Variants in SEM1 observed in about 807,000 individuals in gnomAD.
SEM1 encodes 26S proteasome complex subunit SEM1.
A neutral mutation model predicts 12.7 loss-of-function variants in SEM1; 3 were observed. That is an observed-to-expected ratio of 0.24 (90% CI 0.11 to 0.61). The LOEUF (loss-of-function observed/expected upper bound fraction) is 0.61. Ranked by LOEUF, SEM1 falls within the 20% of genes least tolerant of loss-of-function variation. The probability of loss-of-function intolerance (pLI) is 0.88; values close to 1 mark genes in which losing one functional copy is unlikely to be tolerated. For synonymous variants in SEM1, 30 were observed against 27.8 expected, an observed-to-expected ratio of 1.08 and a Z score of -0.25; for missense variants, 59 against 81.3, an observed-to-expected ratio of 0.73 and a Z score of 1.06.
At chr7:96,650,673 C>T (rs1186035084) in intron 2 of SEM1, among the ~76,000 whole-genome samples, 1 of 144,676 alleles carries the variant, frequency 6.9e-6, no homozygotes, top group Admixed American at 6.6e-5. Flanking sequence ...CAGAAACACA[C>T]ACAGATGCGC....
intron 2 of SEM1, among the ~76,000 whole-genome samples, chr7:96,534,474 G>C (rs1035300428): frequency 4.6e-5 from 7 of 151,996 alleles, no homozygotes; most frequent in Non-Finnish European, 1.0e-4. Flanking sequence ...ATGGGTAAAA[G>C]GTCCATTCGA....
At chr7:96,569,692 C>T in intron 2 of SEM1, among the ~76,000 whole-genome samples, 1 of 152,058 alleles carries the variant, frequency 6.6e-6, no homozygotes, top group Non-Finnish European at 1.5e-5. Context: ...TCAACCTTCA[C>T]CTTCTGCATC....
chr7:96,525,260 C>CT lies in SEM1; in HGVS notation c.171-18563dup, dbSNP rs11341570. Among the ~76,000 whole-genome samples, 288 of 145,068 alleles carry CT rather than the reference C, an allele frequency of 2.0e-3. 1 individual carries two copies. Among genetic ancestry groups the CT allele is most frequent in the East Asian group, 0.016 (80 of 4,900 alleles). On this transcript the variant is annotated intron_variant and NMD_transcript_variant, in intron 2 of 3. Transcript: ENST00000466986. ...CATTGATCTTGTCTAGTCCTGACTC[C>CT]TTTTTTTTTTTTTGGTTAGAAATGT...
intron 2 of SEM1, among the ~76,000 whole-genome samples, chr7:96,585,546 G>T (rs1403234601): frequency 2.6e-5 from 4 of 152,372 alleles, no homozygotes; most frequent in African/African-American, 9.6e-5. Context: ...CTGGGCAATG[G>T]CGGGCGCCCC....
At chr7:96,650,896 T>C (rs1433110242) in intron 2 of SEM1, among the ~76,000 whole-genome samples, 1 of 152,224 alleles carries the variant, frequency 6.6e-6, no homozygotes, top group Non-Finnish European at 1.5e-5. Flanking sequence ...AATGGTGTTT[T>C]CAGGTGTGGA....
At chr7:96,557,927 G>T (rs1805575878) in intron 2 of SEM1, among the ~76,000 whole-genome samples, 1 of 152,224 alleles carries the variant, frequency 6.6e-6, no homozygotes, top group South Asian at 2.1e-4. Flanking sequence ...GAAAAGGGCA[G>T]TATTCGGGTG....
intron 2 of SEM1, among the ~76,000 whole-genome samples, chr7:96,554,781 C>T (rs1805423952): frequency 6.6e-6 from 1 of 151,338 alleles, no homozygotes; most frequent in Non-Finnish European, 1.5e-5. Context: ...GTACCAGTTC[C>T]TCCTTGTACC....
At chr7:96,509,512 C>T (rs1300623888) in intron 2 of SEM1, among the ~76,000 whole-genome samples, 1 of 152,098 alleles carries the variant, frequency 6.6e-6, no homozygotes, top group Non-Finnish European at 1.5e-5. Context: ...ACAAACTCTA[C>T]AGCTTGTGCT....
At chr7:96,571,787 AT>A (rs1248875418) in intron 2 of SEM1, among the ~76,000 whole-genome samples, 1 of 152,020 alleles carries the variant, frequency 6.6e-6, no homozygotes, top group African/African-American at 2.4e-5. Context: ...AGGTTTTGGT[AT>A]CAGGATGATG....
At chr7:96,624,469 G>C (rs1807995582) in intron 2 of SEM1, among the ~76,000 whole-genome samples, 1 of 152,092 alleles carries the variant, frequency 6.6e-6, no homozygotes, top group South Asian at 2.1e-4. Context: ...CATCCCACCA[G>C]GCTTGACTTT....
At chr7:96,569,213 G>T (rs971179697) in intron 2 of SEM1, among the ~76,000 whole-genome samples, 2 of 151,864 alleles carry the variant, frequency 1.3e-5, no homozygotes, top group Admixed American at 1.3e-4. Flanking sequence ...TGATTCCTTT[G>T]GAAATTTTAG....
chr7:96,567,315 G>T (rs1805871603), intron 2 of SEM1, among the ~76,000 whole-genome samples: 1 of 150,480 alleles, frequency 6.6e-6, no homozygotes. Context: ...TTATCATTTT[G>T]TTCCTATGAC....
At chr7:96,544,847 G>A in intron 2 of SEM1, among the ~76,000 whole-genome samples, 1 of 151,848 alleles carries the variant, frequency 6.6e-6, no homozygotes, top group East Asian at 1.9e-4. Context: ...TCATCACAGA[G>A]GTCTTCATTC....
intron 2 of SEM1, among the ~76,000 whole-genome samples, chr7:96,584,760 T>C (rs1200755460): frequency 6.6e-6 from 1 of 152,166 alleles, no homozygotes; most frequent in African/African-American, 2.4e-5. Context: ...TTGACCGCAT[T>C]GGCTCCTGAG....
At chr7:96,540,451 A>G (rs1228395116) in intron 2 of SEM1, among the ~76,000 whole-genome samples, 4 of 151,988 alleles carry the variant, frequency 2.6e-5, no homozygotes, top group South Asian at 4.1e-4. Context: ...AATAATTAAT[A>G]TTATGCCTAT....
At chr7:96,557,246 C>G (rs1334263621) in intron 2 of SEM1, among the ~76,000 whole-genome samples, 2 of 149,852 alleles carry the variant, frequency 1.3e-5, no homozygotes, top group Non-Finnish European at 3.0e-5. Flanking sequence ...AACTGCGTTC[C>G]TTTGGAGGAG....
chr7:96,557,731 T>C (rs1273568825), intron 2 of SEM1, among the ~76,000 whole-genome samples: 1 of 146,858 alleles, frequency 6.8e-6, no homozygotes, highest in Non-Finnish European at 1.5e-5. Context: ...AGTTGGAGCT[T>C]CCCGGCTGCT....
chr7:96,532,700 T>G (rs991574112), intron 2 of SEM1, among the ~76,000 whole-genome samples: 1 of 152,120 alleles, frequency 6.6e-6, no homozygotes, highest in Non-Finnish European at 1.5e-5. Flanking sequence ...CAGAATTTGT[T>G]TATAAACCCA....
intron 3 of SEM1, among the ~76,000 whole-genome samples, chr7:96,503,195 T>A (rs2117272641): frequency 6.6e-6 from 1 of 152,266 alleles, no homozygotes; most frequent in African/African-American, 2.4e-5. Flanking sequence ...TTTAGTGAGT[T>A]GTTAAACTCT....
Sources: allele counts gnomAD v4.1 joint callset (sites outside exome capture counted in the v4.1 genomes callset), GRCh38; gene constraint gnomAD v4.1.1; transcripts MANE v1.5; gene names NCBI Gene and HGNC (gene_info 2026-07-23, HGNC 2026-07-21).